The following ARID2 variants were observed in gnomAD, a reference collection of about 807,000 sequenced individuals.
ARID2 encodes the protein AT-rich interaction domain 2.
Under a neutral mutation model 184.6 loss-of-function variants are expected in ARID2, and 32 were observed. The observed-to-expected ratio is 0.17, with a 90% CI of 0.13 to 0.23. The LOEUF (loss-of-function observed/expected upper bound fraction) is 0.23, where lower values mean the gene tolerates loss of function less well. ARID2 is among the 10% of genes least tolerant of loss of function. The pLI, the probability that ARID2 is intolerant of heterozygous loss-of-function variation, is 1.00. For synonymous variants in ARID2, 836 were observed against 772.6 expected (o/e 1.08, Z -1.36); for missense variants, 1,696 against 2,197.6 (o/e 0.77, Z 4.56).
chr12:45,823,217 T>C (rs1942932014), intron 6 of ARID2, among the ~76,000 whole-genome samples: 1 of 152,104 alleles, frequency 6.6e-6, no homozygotes, highest in East Asian at 1.9e-4. Flanking sequence ...TGCTCCTGAA[T>C]GACTATTGGG....
chr12:45,893,606 T>A (rs758212438), intron 19 of ARID2, 24 bp from the exon 20 acceptor site: 1 of 1,602,396 alleles, frequency 6.2e-7, no homozygotes, highest in African/African-American at 1.4e-5. Flanking sequence ...AGATCTTTAT[T>A]CTTTTTTTTC....
At chr12:45,790,060 G>T (rs1471232553) in intron 3 of ARID2, among the ~76,000 whole-genome samples, 1 of 152,058 alleles carries the variant, frequency 6.6e-6, no homozygotes, top group African/African-American at 2.4e-5. Flanking sequence ...CCTTTAATTG[G>T]AACCTTCCTC....
chr12:45,879,513 G>T (rs1944066528), intron 16 of ARID2, among the ~76,000 whole-genome samples: 1 of 152,220 alleles, frequency 6.6e-6, no homozygotes. Context: ...CAGTTTGTCA[G>T]TTGCTGTTTA....
chr12:45,796,909 C>T (rs1942401752), intron 3 of ARID2, among the ~76,000 whole-genome samples: 1 of 152,146 alleles, frequency 6.6e-6, no homozygotes, highest in Admixed American at 6.5e-5. Flanking sequence ...GTTAAATTAT[C>T]CTTCAGAACC....
chr12:45,896,841 G>A (rs750919159), intron 20 of ARID2, among the ~76,000 whole-genome samples: 2 of 152,152 alleles, frequency 1.3e-5, no homozygotes, highest in Non-Finnish European at 2.9e-5. Flanking sequence ...TAAATTTGGG[G>A]ATGTTTTTCT....
chr12:45,815,506 G>C lies in ARID2; in HGVS notation c.419-2164G>C, dbSNP rs1254706279. On this transcript the variant is annotated intron_variant, in intron 4 of 20. Coordinates refer to ENST00000334344, the MANE Select transcript of ARID2 (RefSeq NM_152641.4). ...ATTGAAGAGGTGTATCTCTTCAACTGTCTGCATTTGGAAATGAAATTCTTT... is the reference window on the plus strand; with the variant it reads ...ATTGAAGAGGTGTATCTCTTCAACTCTCTGCATTTGGAAATGAAATTCTTT... Among the ~76,000 whole-genome samples, 3 of 152,056 alleles carry C rather than the reference G, an allele frequency of 2.0e-5. No homozygotes were observed. In the East Asian group the frequency reaches 5.8e-4, roughly 29 times the overall value.
chr12:45,811,050 A>C (rs1171235080), intron 3 of ARID2, among the ~76,000 whole-genome samples: 2 of 152,278 alleles, frequency 1.3e-5, no homozygotes, highest in African/African-American at 4.8e-5. Flanking sequence ...TCTACAAAAA[A>C]TACAAAAAAT....
At chr12:45,858,590 C>T (rs763200876) in intron 15 of ARID2, among the ~76,000 whole-genome samples, 2 of 152,152 alleles carry the variant, frequency 1.3e-5, no homozygotes, top group Non-Finnish European at 2.9e-5. Flanking sequence ...AATATGGTTT[C>T]CTATTATTGC....
Position 45,846,922 on chromosome 12 carries a change from A to G in ARID2, c.1565A>G (p.Lys522Arg). 2.5e-6 allele frequency: 4 copies of G among 1,613,082 alleles called. No homozygotes were observed. Among genetic ancestry groups the G allele is most frequent in the Non-Finnish European group, 3.4e-6 (4 of 1,179,308 alleles). Residue 522 changes from lysine (K) to arginine (R), a missense_variant, in exon 12 of 21, where the codon AAG becomes AGG. Around this residue, in one of 11 missense-constraint regions of ARID2, gnomAD observed 713 missense variants for 824.4 expected, o/e 0.86. Transcript: ENST00000334344. ...GGAATAGTGGAAATAGATAGTGAGA[A>G]GTTTGCTTGTCAGTGGTAAGTGGTT... ...PPGIVEIDSE[K>R]FACQWLNAHF...
At chr12:45,764,423 G>A (rs1053503953) in intron 3 of ARID2, among the ~76,000 whole-genome samples, 5 of 152,062 alleles carry the variant, frequency 3.3e-5, no homozygotes, top group African/African-American at 1.2e-4. Flanking sequence ...TGCCTTGCAA[G>A]TTTTGACACA....
intron 4 of ARID2, among the ~76,000 whole-genome samples, chr12:45,814,873 A>C (rs1942777501): frequency 6.6e-6 from 1 of 152,194 alleles, no homozygotes; most frequent in Middle Eastern, 3.2e-3. Flanking sequence ...CTTTGCTGTT[A>C]ATGTATGCAG....
At chr12:45,841,748 A>C (rs983515347) in intron 11 of ARID2, 1 of 152,178 alleles carries the variant, frequency 6.6e-6, no homozygotes, top group Non-Finnish European at 1.5e-5. Flanking sequence ...TTCATTTTTT[A>C]AAATACACAA....
chr12:45,869,979 A>G (rs1223663332), intron 16 of ARID2, among the ~76,000 whole-genome samples: 1 of 152,078 alleles, frequency 6.6e-6, no homozygotes, highest in Non-Finnish European at 1.5e-5. Flanking sequence ...TTTAAAGCTA[A>G]TAAACCATTT....
chr12:45,804,295 C>A (rs1942559062), intron 3 of ARID2, among the ~76,000 whole-genome samples: 1 of 152,106 alleles, frequency 6.6e-6, no homozygotes, highest in South Asian at 2.1e-4. Flanking sequence ...CATGCGGCTT[C>A]ATTTTATTAA....
intron 3 of ARID2, among the ~76,000 whole-genome samples, chr12:45,805,747 CCTA>C (rs1294963692): frequency 6.6e-6 from 1 of 152,054 alleles, no homozygotes; most frequent in Non-Finnish European, 1.5e-5. Flanking sequence ...TATCACCTTA[CCTA>C]GTTACCCTTT....
At chr12:45,742,006 T>G (rs1941267611) in intron 3 of ARID2, among the ~76,000 whole-genome samples, 1 of 152,232 alleles carries the variant, frequency 6.6e-6, no homozygotes, top group African/African-American at 2.4e-5. Context: ...TCCCTTAACC[T>G]TCAGTAAGAA....
chr12:45,863,934 C>T (rs1943793905), intron 16 of ARID2, among the ~76,000 whole-genome samples: 1 of 148,436 alleles, frequency 6.7e-6, no homozygotes, highest in Non-Finnish European at 1.5e-5. Flanking sequence ...TGGCTCATTG[C>T]AACCTCTGTC....
chr12:45,741,071 C>G (rs372071175), intron 3 of ARID2, among the ~76,000 whole-genome samples: 1 of 152,184 alleles, frequency 6.6e-6, no homozygotes, highest in African/African-American at 2.4e-5. Context: ...TTAACATCCA[C>G]TGATGGTTTG....
intron 3 of ARID2, among the ~76,000 whole-genome samples, chr12:45,792,314 A>G (rs1174200430): frequency 2.0e-5 from 3 of 152,144 alleles, no homozygotes; most frequent in African/African-American, 7.2e-5. Context: ...GGGTTATTTC[A>G]AAATACACTT....
Sources: allele counts gnomAD v4.1 joint callset (sites outside exome capture counted in the v4.1 genomes callset), GRCh38; gene constraint gnomAD v4.1.1; regional missense constraint gnomAD v4.1.1; transcripts MANE v1.5; gene names NCBI Gene and HGNC (gene_info 2026-07-23, HGNC 2026-07-21).